The following AGPAT4 variants were observed in gnomAD, a reference collection of about 807,000 sequenced individuals.
The protein encoded by AGPAT4 is 1-acylglycerol-3-phosphate O-acyltransferase 4.
Under a neutral mutation model 48.0 loss-of-function variants are expected in AGPAT4, and 15 were observed. That is an observed-to-expected ratio of 0.31 (90% CI 0.21 to 0.48). The LOEUF (loss-of-function observed/expected upper bound fraction) is 0.48. Among genes scored for constraint, AGPAT4 ranks in the 20% least tolerant of loss-of-function variants. AGPAT4 has a pLI of 0.99. For synonymous variants in AGPAT4, 178 were observed against 198.7 expected (o/e 0.90, Z 0.88); for missense variants, 314 against 482.5 (o/e 0.65, Z 3.27).
intron 1 of AGPAT4, among the ~76,000 whole-genome samples, chr6:161,256,724 C>G (rs1000076288): frequency 6.6e-6 from 1 of 152,216 alleles, no homozygotes; most frequent in African/African-American, 2.4e-5. Flanking sequence ...CGAAAGAAAT[C>G]TGGTGGATTG....
chr6:161,194,011 C>T (rs1397491101), intron 2 of AGPAT4, among the ~76,000 whole-genome samples: 1 of 152,210 alleles, frequency 6.6e-6, no homozygotes, highest in Non-Finnish European at 1.5e-5. Flanking sequence ...TACACGCAAT[C>T]ACTGTCTACA....
chr6:161,144,938 G>A lies in AGPAT4; in HGVS notation c.843+1586C>T, dbSNP rs1043995172. Among the ~76,000 whole-genome samples the A allele has an allele frequency of 1.3e-5, 2 of 151,684 alleles. No individual in the cohort carries two copies. Among genetic ancestry groups the A allele is most frequent in the South Asian group, 2.1e-4 (1 of 4,818 alleles). ...AGAGCTTGCAGTGAGCCGAGATCGC[G>A]CCACTGCACTCCAGCCTGGGAGACA... On this transcript the variant is annotated intron_variant, in intron 7 of 8. Coordinates refer to ENST00000320285, the MANE Select transcript of AGPAT4 (RefSeq NM_020133.3). The surrounding 1 kb of genome is among the most constrained non-coding windows in gnomAD (Gnocchi z 6.6).
chr6:161,224,815 CTTTG>C (rs1781928692), intron 2 of AGPAT4, among the ~76,000 whole-genome samples: 2 of 152,134 alleles, frequency 1.3e-5, no homozygotes, highest in Non-Finnish European at 2.9e-5. Context: ...AAAGTAACAT[CTTTG>C]TTGCTTGATT....
rs929488098 is a variant in AGPAT4, at chr6:161,159,348, C to G, written c.349-5038G>C. Among the ~76,000 whole-genome samples the G allele has an allele frequency of 6.6e-6, 1 of 152,160 alleles. No individual in the cohort carries two copies. The highest frequency in any genetic ancestry group is 2.4e-5 in the African/African-American group (1 of 41,438). ...CCAGGCATTATGCAGGTGCCGAGAA[C>G]TCAATGCTGGTTATGATTACCTGTG... is the stretch of plus-strand genomic sequence containing the variant. On this transcript the variant is annotated intron_variant, in intron 3 of 8. Coordinates refer to ENST00000320285, the MANE Select transcript of AGPAT4 (RefSeq NM_020133.3). The surrounding 1 kb of genome is among the most constrained non-coding windows in gnomAD (Gnocchi z 4.1).
At chr6:161,153,957 A>G in intron 4 of AGPAT4, 192 bp downstream of exon 4, 1 of 724,066 alleles carries the variant, frequency 1.4e-6, no homozygotes, top group Non-Finnish European at 2.3e-6. Flanking sequence ...CCACAGTCAT[A>G]CGTGGCCCCA....
intron 2 of AGPAT4, among the ~76,000 whole-genome samples, chr6:161,181,155 C>T (rs1235996782): frequency 6.6e-6 from 1 of 152,152 alleles, no homozygotes; most frequent in Non-Finnish European, 1.5e-5. Flanking sequence ...CCAGCTCTAG[C>T]CCAAGAGTTC....
rs1491054646 is a variant in AGPAT4, at chr6:161,134,407, AAC to A, written c.*2131_*2132del. On this transcript the variant is annotated 3_prime_UTR_variant, in exon 9 of 9. Coordinates refer to ENST00000320285, the MANE Select transcript of AGPAT4 (RefSeq NM_020133.3). Reference sequence around the variant, plus strand: ...ATGGAAGAATGAAAATGAGAAAAATAACACATTTTTAGTACGACAAGAAAATT... The same window carrying A: ...ATGGAAGAATGAAAATGAGAAAAATAACATTTTTAGTACGACAAGAAAATT... 3 of 152,232 alleles carry A rather than the reference AAC, an allele frequency of 2.0e-5. No homozygotes were observed. The highest frequency in any genetic ancestry group is 7.2e-5 in the African/African-American group (3 of 41,454). The allele number at this position is 152,232 out of a possible 1,614,324, so 9.4% of individuals were successfully genotyped here. A position where few individuals can be genotyped will look rare whatever the true frequency, so the allele number is the denominator to read the frequency against.
chr6:161,265,880 A>C (rs916035307), intron 1 of AGPAT4, among the ~76,000 whole-genome samples: 4 of 152,204 alleles, frequency 2.6e-5, no homozygotes, highest in Non-Finnish European at 5.9e-5. Context: ...CCACGTGTCT[A>C]CTTTTAAGTT....
At chr6:161,237,708 A>G (rs574482327) in intron 1 of AGPAT4, among the ~76,000 whole-genome samples, 1 of 152,228 alleles carries the variant, frequency 6.6e-6, no homozygotes, top group Non-Finnish European at 1.5e-5. Flanking sequence ...AAATGTTGGC[A>G]GAAGGATTAT....
chr6:161,201,810 A>G lies in AGPAT4; in HGVS notation c.178+30226T>C, dbSNP rs1368816861. Among the ~76,000 whole-genome samples, 1 of 152,238 alleles carries G rather than the reference A, an allele frequency of 6.6e-6. No homozygotes were observed. Among genetic ancestry groups the G allele is most frequent in the Non-Finnish European group, 1.5e-5 (1 of 68,048 alleles). On this transcript the variant is annotated intron_variant, in intron 2 of 8. Coordinates refer to ENST00000320285, the MANE Select transcript of AGPAT4 (RefSeq NM_020133.3). This position sits in a 1 kb window ranked among gnomAD's most constrained non-coding sequence, Gnocchi z 6.0. ...CTCTCTTCATTCTCTAACCAGTGCAAGAGGAAGTCCCATTTCACAGACAAT... is the reference window on the plus strand; with the variant it reads ...CTCTCTTCATTCTCTAACCAGTGCAGGAGGAAGTCCCATTTCACAGACAAT...
intron 2 of AGPAT4, among the ~76,000 whole-genome samples, chr6:161,199,328 G>T (rs1781157810): frequency 1.3e-5 from 2 of 152,158 alleles, no homozygotes; most frequent in African/African-American, 4.8e-5. Context: ...AACTTCAAGG[G>T]CTCAAACCAC....
rs921239257 is a variant in AGPAT4 at position 161,244,183 on chromosome 6, G to A, written c.-89-11881C>T. ...TCAAACAGACATACAGCGAGGAGCT[G>A]ACGACACAATTCTAACAAATACAGA... On this transcript the variant is annotated intron_variant, in intron 1 of 8. Transcript: ENST00000320285. This position sits in a 1 kb window ranked among gnomAD's most constrained non-coding sequence, Gnocchi z 4.7. Among the ~76,000 whole-genome samples, 3 of 152,180 alleles carry A rather than the reference G, an allele frequency of 2.0e-5. No individual in the cohort carries two copies. Among genetic ancestry groups the A allele is most frequent in the Admixed American group, 1.3e-4 (2 of 15,278 alleles).
rs1219405304 is a variant in AGPAT4 at position 161,202,116 on chromosome 6, T to C, written c.178+29920A>G. ...TATGTCAGGCTGTAGGTACTGGTTA[T>C]CTATTGCTCATAACCAAAATATGAT... is the stretch of plus-strand genomic sequence containing the variant. On this transcript the variant is annotated intron_variant, in intron 2 of 8. Transcript: ENST00000320285. The surrounding 1 kb of genome is among the most constrained non-coding windows in gnomAD (Gnocchi z 5.4). Among the ~76,000 whole-genome samples the C allele has an allele frequency of 1.3e-5, 2 of 152,190 alleles. No homozygotes were observed. Among genetic ancestry groups the C allele is most frequent in the East Asian group, 3.8e-4 (2 of 5,202 alleles).
At position 161,177,074 on chromosome 6, in the gene AGPAT4, AT is replaced by A. The variant is rs1780449625; in HGVS notation, c.179-10658del. The stretch of plus-strand genomic sequence containing the variant: ...ATCTTTCTCTCTGACTGCCCTTAAC[AT>A]TTTTTCCTTCATTTCAACTTTGGTG... On this transcript the variant is annotated intron_variant, in intron 2 of 8. Transcript: ENST00000320285. This position sits in a 1 kb window ranked among gnomAD's most constrained non-coding sequence, Gnocchi z 5.0. Among the ~76,000 whole-genome samples, 1 of 151,888 alleles carries A rather than the reference AT, an allele frequency of 6.6e-6. No homozygotes were observed. Among genetic ancestry groups the A allele is most frequent in the Admixed American group, 6.6e-5 (1 of 15,252 alleles).
intron 1 of AGPAT4, among the ~76,000 whole-genome samples, chr6:161,253,888 G>A (rs576556199): frequency 4.6e-5 from 7 of 152,138 alleles, no homozygotes; most frequent in African/African-American, 1.7e-4. Context: ...CCATACTGGC[G>A]GACATTCACA....
chr6:161,178,374 G>T lies in AGPAT4; in HGVS notation c.179-11957C>A, dbSNP rs12203960. Among the ~76,000 whole-genome samples, 12,840 of 152,292 alleles carry T rather than the reference G, an allele frequency of 0.084. 663 individuals are homozygous for T. The highest frequency in any genetic ancestry group is 0.12 in the Non-Finnish European group (8,253 of 68,022). On this transcript the variant is annotated intron_variant, in intron 2 of 8. Transcript: ENST00000320285. The surrounding 1 kb of genome is among the most constrained non-coding windows in gnomAD (Gnocchi z 5.1). ...GAACCTCGCTGCCGCCTTGCAGTTC[G>T]ATCAGACTTCTGTGCTAGCAATGAG...
chr6:161,263,649 CG>C (rs1396188731), intron 1 of AGPAT4, among the ~76,000 whole-genome samples: 1 of 152,212 alleles, frequency 6.6e-6, no homozygotes, highest in East Asian at 1.9e-4. Flanking sequence ...TCCTCTCCCC[CG>C]ACCTCCTCTC....
chr6:161,252,264 T>C (rs1782824490), intron 1 of AGPAT4, among the ~76,000 whole-genome samples: 1 of 152,142 alleles, frequency 6.6e-6, no homozygotes, highest in African/African-American at 2.4e-5. Flanking sequence ...AACCCAGACA[T>C]TTGCTTGATT....
rs2114941100 is a variant in AGPAT4, at chr6:161,131,699, C to T, written c.*4841G>A. The T allele has an allele frequency of 1.3e-5, 2 of 152,276 alleles. No homozygotes were observed. Among genetic ancestry groups the T allele is most frequent in the Admixed American group, 1.3e-4 (2 of 15,300 alleles). 9.4% of individuals were successfully genotyped at this position (152,276 alleles called of 1,614,324 possible). A position where few individuals can be genotyped will look rare whatever the true frequency, so the allele number is the denominator to read the frequency against. On this transcript the variant is annotated 3_prime_UTR_variant, in exon 9 of 9. Transcript: ENST00000320285. ...CAATTTCTGATTTCTTAGTTTTTGACCAAAATAGCAGTAATTTCAAACAGT... is the reference window on the plus strand; with the variant it reads ...CAATTTCTGATTTCTTAGTTTTTGATCAAAATAGCAGTAATTTCAAACAGT...
Sources: gnomAD v4.1 joint callset for allele counts (sites outside exome capture counted in the v4.1 genomes callset) on GRCh38, gnomAD v4.1.1 for gene constraint, Gnocchi (gnomAD v3.1) non-coding constraint, MANE v1.5 for transcripts, NCBI Gene and HGNC (gene_info 2026-07-23, HGNC 2026-07-21) for gene names.